The following FGF14 variants were observed in gnomAD, a reference collection of about 807,000 sequenced individuals.
FGF14 encodes fibroblast growth factor homologous factor 4.
A neutral mutation model predicts 25.5 loss-of-function variants in FGF14; 5 were observed. The observed-to-expected ratio is 0.20, with a 90% CI of 0.10 to 0.41. The LOEUF (loss-of-function observed/expected upper bound fraction) is 0.41. Ranked by LOEUF, FGF14 falls within the 10% of genes least tolerant of loss-of-function variation. The pLI is 1.00. For missense variants in FGF14, 222 were observed against 320.1 expected, an observed-to-expected ratio of 0.69 and a Z score of 2.34; for synonymous variants, 138 against 118.3, an observed-to-expected ratio of 1.17 and a Z score of -1.08.
intron 1 of FGF14, among the ~76,000 whole-genome samples, chr13:102,020,557 A>T (rs1010498444): frequency 4.9e-5 from 7 of 142,218 alleles, no homozygotes; most frequent in Non-Finnish European, 1.0e-4. Context: ...GAAACAAAGA[A>T]AGAGAGAGAG....
At chr13:102,143,838 G>A (rs2046746054) in intron 1 of FGF14, among the ~76,000 whole-genome samples, 1 of 152,108 alleles carries the variant, frequency 6.6e-6, no homozygotes. Flanking sequence ...GGGGATGTTT[G>A]TACCTCCTCT....
chr13:101,799,244 G>A (rs2040732558), intron 3 of FGF14, among the ~76,000 whole-genome samples: 1 of 151,928 alleles, frequency 6.6e-6, no homozygotes, highest in Non-Finnish European at 1.5e-5. Context: ...AATTCATGCT[G>A]TTCTCTCTGA....
intron 3 of FGF14, among the ~76,000 whole-genome samples, chr13:101,834,048 C>T (rs2042804806): frequency 6.6e-6 from 1 of 151,974 alleles, no homozygotes; most frequent in African/African-American, 2.4e-5. Flanking sequence ...TATCATATTC[C>T]TCTAGTGATC....
chr13:101,832,751 A>G (rs2042736211), intron 3 of FGF14, among the ~76,000 whole-genome samples: 1 of 152,058 alleles, frequency 6.6e-6, no homozygotes, highest in Non-Finnish European at 1.5e-5. Context: ...AAGGACATGA[A>G]CTTTTAAATG....
intron 1 of FGF14, among the ~76,000 whole-genome samples, chr13:101,923,177 C>T (rs1404987601): frequency 6.6e-6 from 1 of 151,944 alleles, no homozygotes; most frequent in African/African-American, 2.4e-5. Context: ...TGTACTTGAT[C>T]GTTTTCATAC....
intron 1 of FGF14, among the ~76,000 whole-genome samples, chr13:102,202,789 T>A (rs897581437): frequency 3.9e-5 from 6 of 152,206 alleles, no homozygotes; most frequent in African/African-American, 1.2e-4. Context: ...TGGTAAAATG[T>A]CCTTTTCTGA....
chr13:101,763,608 C>T (rs2038185535), intron 3 of FGF14, among the ~76,000 whole-genome samples: 1 of 151,932 alleles, frequency 6.6e-6, no homozygotes, highest in Non-Finnish European at 1.5e-5. Flanking sequence ...CCTGTAATCC[C>T]AGCACTTTGG....
intron 1 of FGF14, among the ~76,000 whole-genome samples, chr13:102,109,430 A>G (rs1341304613): frequency 6.6e-6 from 1 of 152,222 alleles, no homozygotes; most frequent in Non-Finnish European, 1.5e-5. Flanking sequence ...TACCACACAC[A>G]AAACACTATG....
chr13:102,248,484 G>A (rs537777324), intron 1 of FGF14, among the ~76,000 whole-genome samples: 1 of 152,234 alleles, frequency 6.6e-6, no homozygotes, highest in South Asian at 2.1e-4. Flanking sequence ...ATTCCAGTAA[G>A]AGCAGAGGGG....
intron 1 of FGF14, among the ~76,000 whole-genome samples, chr13:102,185,286 G>A (rs993938614): frequency 6.6e-6 from 1 of 152,030 alleles, no homozygotes; most frequent in Non-Finnish European, 1.5e-5. Context: ...TTCTTTCATA[G>A]TTCTGAGGCC....
At chr13:101,836,198 A>G (rs1157117849) in intron 3 of FGF14, among the ~76,000 whole-genome samples, 1 of 152,040 alleles carries the variant, frequency 6.6e-6, no homozygotes, top group African/African-American at 2.4e-5. Context: ...GGAGAGAACA[A>G]GAGAACAAGC....
intron 1 of FGF14, among the ~76,000 whole-genome samples, chr13:102,382,139 C>T (rs1014821242): frequency 1.3e-5 from 2 of 152,080 alleles, no homozygotes; most frequent in Non-Finnish European, 2.9e-5. Context: ...ATAAACTAGA[C>T]TTCAACGAAA....
At chr13:102,090,912 A>G (rs943833570) in intron 1 of FGF14, among the ~76,000 whole-genome samples, 11 of 152,218 alleles carry the variant, frequency 7.2e-5, no homozygotes, top group African/African-American at 2.7e-4. Flanking sequence ...TATATATTAT[A>G]CTGTCTGAAT....
At chr13:102,165,403 G>A (rs898418667) in intron 1 of FGF14, among the ~76,000 whole-genome samples, 1 of 151,872 alleles carries the variant, frequency 6.6e-6, no homozygotes, top group Non-Finnish European at 1.5e-5. Context: ...TAGCAAAGAC[G>A]TGGAACCAAC....
intron 1 of FGF14, among the ~76,000 whole-genome samples, chr13:102,227,332 C>T (rs2050869381): frequency 1.3e-5 from 2 of 152,076 alleles, no homozygotes; most frequent in African/African-American, 4.8e-5. Context: ...TTCCTCCATG[C>T]AATGCTTAAA....
intron 1 of FGF14, among the ~76,000 whole-genome samples, chr13:102,183,261 T>A (rs1171811499): frequency 1.3e-5 from 2 of 152,172 alleles, no homozygotes; most frequent in African/African-American, 4.8e-5. Flanking sequence ...AATTCAAAAT[T>A]TCTATTATAT....
At chr13:102,397,397 G>A (rs77832773) in intron 1 of FGF14, among the ~76,000 whole-genome samples, 3,304 of 152,232 alleles carry the variant, frequency 0.022, 122 homozygotes, top group African/African-American at 0.075. Context: ...AAAGTTACAC[G>A]ACAGAGCGGG....
intron 1 of FGF14, among the ~76,000 whole-genome samples, chr13:101,946,033 T>C (rs1365103321): frequency 6.6e-6 from 1 of 152,180 alleles, no homozygotes; most frequent in Non-Finnish European, 1.5e-5. Context: ...TTTTTTTCAG[T>C]CTCTAAGAAA....
chr13:101,857,989 T>C (rs2140397100), intron 3 of FGF14, among the ~76,000 whole-genome samples: 1 of 152,164 alleles, frequency 6.6e-6, no homozygotes, highest in Admixed American at 6.6e-5. Flanking sequence ...AAGAATTGTT[T>C]TAGTTATTCC....
Sources: allele counts gnomAD v4.1 joint callset (sites outside exome capture counted in the v4.1 genomes callset), GRCh38; gene constraint gnomAD v4.1.1; transcripts MANE v1.5; gene names NCBI Gene and HGNC (gene_info 2026-07-23, HGNC 2026-07-21).